Variants in WWOX observed in about 807,000 individuals in gnomAD.
WWOX encodes the protein WW domain containing oxidoreductase.
In WWOX, 69 loss-of-function variants were observed where a neutral mutation model predicts 46.2. The ratio of observed to expected loss-of-function variants is 1.49; its 90% CI spans 1.23 to 1.82. WWOX has a LOEUF of 1.82. Ranked by LOEUF, WWOX falls within the 40% of genes most tolerant of loss-of-function variation. The probability of loss-of-function intolerance (pLI) is 0.00; values close to 1 mark genes in which losing one functional copy is unlikely to be tolerated. For missense variants in WWOX, 919 were observed against 542.6 expected (o/e 1.69, Z -6.89); for synonymous variants, 359 against 202.6 (o/e 1.77, Z -6.56).
At chr16:78,973,687 T>A (rs182204376) in intron 8 of WWOX, among the ~76,000 whole-genome samples, 3 of 152,350 alleles carry the variant, frequency 2.0e-5, no homozygotes, top group Admixed American at 2.0e-4. Context: ...TTTTAACAAA[T>A]GAAAGTTTAA....
chr16:78,630,305 C>A (rs866507487), intron 8 of WWOX, among the ~76,000 whole-genome samples: 2 of 152,112 alleles, frequency 1.3e-5, no homozygotes, highest in African/African-American at 2.4e-5. Context: ...TTGGCTGCAT[C>A]TGGGAACTTG....
At chr16:78,817,171 TC>T (rs1251270247) in intron 8 of WWOX, among the ~76,000 whole-genome samples, 8 of 131,764 alleles carry the variant, frequency 6.1e-5, no homozygotes, top group East Asian at 2.1e-4. Context: ...TTAGTGCTAT[TC>T]TTTTTTTTTT....
chr16:78,826,376 C>G (rs1179917752), intron 8 of WWOX, among the ~76,000 whole-genome samples: 1 of 152,216 alleles, frequency 6.6e-6, no homozygotes. Context: ...TGTATTCTCT[C>G]ACAGTTCTGG....
At chr16:78,938,688 G>C (rs997928124) in intron 8 of WWOX, among the ~76,000 whole-genome samples, 1 of 152,146 alleles carries the variant, frequency 6.6e-6, no homozygotes, top group African/African-American at 2.4e-5. Flanking sequence ...TAGCAATGAA[G>C]GCAGACTAAG....
intron 4 of WWOX, among the ~76,000 whole-genome samples, chr16:78,151,296 G>A (rs1163684157): frequency 1.3e-5 from 2 of 152,090 alleles, no homozygotes; most frequent in Non-Finnish European, 2.9e-5. Flanking sequence ...AGTGTGGGGG[G>A]CCTGATGGTG....
chr16:78,645,271 C>T (rs927691903), intron 8 of WWOX, among the ~76,000 whole-genome samples: 5 of 152,122 alleles, frequency 3.3e-5, no homozygotes, highest in African/African-American at 7.2e-5. Context: ...ATGCTCCTTT[C>T]TCAGAGAGGC....
At chr16:78,402,766 G>A (rs1399921080) in intron 6 of WWOX, among the ~76,000 whole-genome samples, 1 of 152,172 alleles carries the variant, frequency 6.6e-6, no homozygotes, top group Non-Finnish European at 1.5e-5. Context: ...TTGTTAAAGC[G>A]TTTTGCTTAT....
At chr16:78,884,541 C>A (rs1320379679) in intron 8 of WWOX, among the ~76,000 whole-genome samples, 2 of 152,056 alleles carry the variant, frequency 1.3e-5, no homozygotes, top group Admixed American at 6.6e-5. Flanking sequence ...CTAAATTCAA[C>A]AATGTGGATT....
At position 78,569,786 on chromosome 16, in the gene WWOX, T is replaced by C. The variant is rs961103327; in HGVS notation, c.1056+137034T>C. On this transcript the variant is annotated intron_variant, in intron 8 of 8. Coordinates refer to ENST00000566780, the MANE Select transcript of WWOX (RefSeq NM_016373.4). ...TCTTGAACCTTTTATCCTCTTCTTATTGACCAAAGAGAGGGCATATCTTTG... is the reference window on the plus strand; with the variant it reads ...TCTTGAACCTTTTATCCTCTTCTTACTGACCAAAGAGAGGGCATATCTTTG... Among the ~76,000 whole-genome samples, 22 of 152,238 alleles carry C rather than the reference T, an allele frequency of 1.4e-4. 1 individual carries two copies. The highest frequency in any genetic ancestry group is 2.6e-4 in the Non-Finnish European group (18 of 68,050).
At position 78,870,132 on chromosome 16, in the gene WWOX, A is replaced by G. The variant is rs76254971; in HGVS notation, c.1057-341476A>G. On this transcript the variant is annotated intron_variant, in intron 8 of 8. Transcript: ENST00000566780. ...AAGTGCTCTGACAGGGCATGACTCA[A>G]TCCTCAAACAGGAAGGGGGAAATTG... Among the ~76,000 whole-genome samples the G allele has an allele frequency of 4.4e-3, 663 of 152,282 alleles. 3 individuals are homozygous for G. The highest frequency in any genetic ancestry group is 0.012 in the South Asian group (57 of 4,824).
chr16:79,063,103 A>G (rs1207894058), intron 8 of WWOX, among the ~76,000 whole-genome samples: 1 of 152,142 alleles, frequency 6.6e-6, no homozygotes, highest in African/African-American at 2.4e-5. Flanking sequence ...TCTCCCACCA[A>G]ATCTGGATGG....
At chr16:78,750,590 A>G (rs930363653) in intron 8 of WWOX, among the ~76,000 whole-genome samples, 14 of 152,112 alleles carry the variant, frequency 9.2e-5, no homozygotes, top group African/African-American at 3.4e-4. Flanking sequence ...CATCACCCAA[A>G]TTAGTAAACA....
At chr16:78,284,531 C>G (rs1429461035) in intron 5 of WWOX, among the ~76,000 whole-genome samples, 3 of 152,148 alleles carry the variant, frequency 2.0e-5, no homozygotes, top group Non-Finnish European at 4.4e-5. Flanking sequence ...ATGTCACTTA[C>G]TTCTTGTTTT....
chr16:78,710,139 C>T (rs539127411), intron 8 of WWOX, among the ~76,000 whole-genome samples: 1 of 152,016 alleles, frequency 6.6e-6, no homozygotes, highest in Non-Finnish European at 1.5e-5. Flanking sequence ...ATGTCTGCCT[C>T]ATGTTGACCT....
At chr16:79,059,687 G>T (rs952139032) in intron 8 of WWOX, among the ~76,000 whole-genome samples, 2 of 151,986 alleles carry the variant, frequency 1.3e-5, no homozygotes, top group Admixed American at 1.3e-4. Context: ...GTAGAGATGG[G>T]GTTTCACTAT....
At chr16:78,975,977 C>T (rs2046564821) in intron 8 of WWOX, among the ~76,000 whole-genome samples, 1 of 152,168 alleles carries the variant, frequency 6.6e-6, no homozygotes. Flanking sequence ...GTTGCCGGTG[C>T]TTGGAAACCT....
intron 5 of WWOX, among the ~76,000 whole-genome samples, chr16:78,311,670 G>A (rs988699973): frequency 6.6e-6 from 1 of 152,212 alleles, no homozygotes; most frequent in African/African-American, 2.4e-5. Flanking sequence ...GAGAGATGGG[G>A]AGTAGGAGAA....
intron 8 of WWOX, among the ~76,000 whole-genome samples, chr16:78,606,374 G>A (rs1229691035): frequency 2.0e-5 from 3 of 151,942 alleles, no homozygotes; most frequent in South Asian, 2.1e-4. Context: ...CAAAGGAAAC[G>A]GTTACTTTGG....
intron 8 of WWOX, among the ~76,000 whole-genome samples, chr16:78,923,388 A>G (rs2151272480): frequency 6.6e-6 from 1 of 152,320 alleles, no homozygotes; most frequent in Non-Finnish European, 1.5e-5. Context: ...TTCTAAAAAT[A>G]GAGCAGTCAT....
Sources: gnomAD v4.1 joint callset for allele counts (sites outside exome capture counted in the v4.1 genomes callset) on GRCh38, gnomAD v4.1.1 for gene constraint, MANE v1.5 for transcripts, NCBI Gene and HGNC (gene_info 2026-07-23, HGNC 2026-07-21) for gene names.